Variants in SEPTIN9 observed in about 807,000 individuals in gnomAD.
SEPTIN9 encodes septin-9.
Under a neutral mutation model 56.6 loss-of-function variants are expected in SEPTIN9, and 13 were observed. The ratio of observed to expected loss-of-function variants is 0.23; its 90% CI spans 0.15 to 0.37. The LOEUF (loss-of-function observed/expected upper bound fraction) is 0.37, where lower values mean the gene tolerates loss of function less well. Ranked by LOEUF, SEPTIN9 falls within the 10% of genes least tolerant of loss-of-function variation. The probability of loss-of-function intolerance (pLI) is 1.00; values close to 1 mark genes in which losing one functional copy is unlikely to be tolerated. For missense variants in SEPTIN9, 650 were observed against 823.1 expected (o/e 0.79, Z 2.57); for synonymous variants, 332 against 334.1 (o/e 0.99, Z 0.07).
chr17:77,466,599 G>A (rs1394327609), intron 3 of SEPTIN9: 3 of 985,522 alleles, frequency 3.0e-6, no homozygotes, highest in Non-Finnish European at 3.6e-6. Flanking sequence ...GGGAGGAGGA[G>A]AAAGAAGAGA....
chr17:77,497,204 G>T, intron 10 of SEPTIN9, 111 bp from the exon 11 acceptor site: 1 of 1,088,652 alleles, frequency 9.2e-7, no homozygotes, highest in Non-Finnish European at 1.4e-6. Flanking sequence ...CCATGGGGCT[G>T]CCCTCAGACT....
At chr17:77,442,506 T>TAAAAAA (rs574360726) in intron 3 of SEPTIN9, among the ~76,000 whole-genome samples, 4 of 91,326 alleles carry the variant, frequency 4.4e-5, no homozygotes, top group Non-Finnish European at 8.7e-5. Context: ...CAACTAGTCT[T>TAAAAAA]AAAAAAAAAA....
intron 3 of SEPTIN9, among the ~76,000 whole-genome samples, chr17:77,419,280 C>T (rs757580941): frequency 6.6e-6 from 1 of 152,160 alleles, no homozygotes; most frequent in Non-Finnish European, 1.5e-5. Flanking sequence ...CTCCTGGGCA[C>T]GAGTTGGGAG....
In SEPTIN9 at chr17:77,453,461, C is replaced by T. The variant is rs534283054; in HGVS notation, c.722-28683C>T. Among the ~76,000 whole-genome samples the T allele has an allele frequency of 5.3e-5, 8 of 152,118 alleles. No homozygotes were observed. In the South Asian group the frequency reaches 1.2e-3, roughly 24 times the overall value. On this transcript the variant is annotated intron_variant, in intron 3 of 11. Coordinates refer to ENST00000427177, the MANE Select transcript of SEPTIN9 (RefSeq NM_001113491.2). The surrounding 1 kb of genome is among the most constrained non-coding windows in gnomAD (Gnocchi z 4.4). ...TCTCTACTAAAAATACTGGCTAATC[C>T]GGGCATGGTGGCGCGTGCCTGTAAT...
At chr17:77,315,028 C>G (rs1186513203) in intron 2 of SEPTIN9, among the ~76,000 whole-genome samples, 2 of 152,206 alleles carry the variant, frequency 1.3e-5, no homozygotes, top group South Asian at 4.1e-4. Context: ...GTGATCCGCA[C>G]CTTTCACTTT....
chr17:77,353,655 CCA>C (rs1440300089), intron 2 of SEPTIN9, among the ~76,000 whole-genome samples: 2 of 152,206 alleles, frequency 1.3e-5, no homozygotes, highest in African/African-American at 4.8e-5. Flanking sequence ...GCATCAGGCC[CCA>C]CACACTATGC....
At chr17:77,485,068 G>GGTGATT (rs2039689229) in intron 4 of SEPTIN9, among the ~76,000 whole-genome samples, 9 of 54,936 alleles carry the variant, frequency 1.6e-4, no homozygotes, top group Non-Finnish European at 4.3e-4. Flanking sequence ...TGGTGGTAAT[G>GGTGATT]GTGATGGTGG....
chr17:77,301,308 C>T (rs1371754013), intron 1 of SEPTIN9, among the ~76,000 whole-genome samples: 1 of 152,100 alleles, frequency 6.6e-6, no homozygotes, highest in African/African-American at 2.4e-5. Flanking sequence ...CCTCCCACCT[C>T]AGCCTCCCAA....
chr17:77,332,810 G>A (rs1436426403), intron 2 of SEPTIN9, among the ~76,000 whole-genome samples: 3 of 152,186 alleles, frequency 2.0e-5, no homozygotes, highest in Non-Finnish European at 4.4e-5. Flanking sequence ...GATTTGTTCT[G>A]TTTTATTGCT....
intron 2 of SEPTIN9, chr17:77,373,220 G>A: frequency 1.8e-6 from 2 of 1,110,054 alleles, no homozygotes; most frequent in Non-Finnish European, 1.1e-6. Context: ...GGCGGGCGGA[G>A]CAGCCAGTGC....
At position 77,450,462 on chromosome 17, in the gene SEPTIN9, C is replaced by T. The variant is rs1477949224; in HGVS notation, c.722-31682C>T. On this transcript the variant is annotated intron_variant, in intron 3 of 11. Coordinates refer to ENST00000427177, the MANE Select transcript of SEPTIN9 (RefSeq NM_001113491.2). This position sits in a 1 kb window ranked among gnomAD's most constrained non-coding sequence, Gnocchi z 6.0. ...TCCCTCCCAGCCCCCAGCAAGCCCT[C>T]GGAACGAGCCCACTCCCAGGCGCTC... 2.3e-5 allele frequency: 23 copies of T among 985,082 alleles called. No individual in the cohort carries two copies. In the South Asian group the frequency reaches 2.3e-4, roughly 10 times the overall value. 61.0% of individuals were successfully genotyped at this position (985,082 alleles called of 1,614,324 possible). A position where few individuals can be genotyped will look rare whatever the true frequency, so the allele number is the denominator to read the frequency against.
At chr17:77,488,070 G>A (rs1038668089) in intron 5 of SEPTIN9, among the ~76,000 whole-genome samples, 170 bp from the exon 6 acceptor site, 2 of 152,186 alleles carry the variant, frequency 1.3e-5, no homozygotes, top group African/African-American at 4.8e-5. Flanking sequence ...GCTCCCAGGG[G>A]AACCGTCACC....
At chr17:77,472,746 TCC>T (rs888664598) in intron 3 of SEPTIN9, 59 of 152,192 alleles carry the variant, frequency 3.9e-4, no homozygotes, top group African/African-American at 1.3e-3. Context: ...GTCTCAGATT[TCC>T]GGCATCCCAG....
At chr17:77,458,374 G>A (rs2038310565) in intron 3 of SEPTIN9, among the ~76,000 whole-genome samples, 1 of 152,206 alleles carries the variant, frequency 6.6e-6, no homozygotes, top group African/African-American at 2.4e-5. Context: ...CGGCACCGCC[G>A]CTGTCCTTGT....
At chr17:77,391,028 C>T (rs552981822) in intron 2 of SEPTIN9, among the ~76,000 whole-genome samples, 102 of 152,272 alleles carry the variant, frequency 6.7e-4, no homozygotes, top group African/African-American at 2.0e-3. Context: ...GGAGAAGGGC[C>T]GGCGGAGGCT....
Position 77,408,487 on chromosome 17 carries a change from C to CT in SEPTIN9, c.721+5786dup, listed in dbSNP as rs1320644894. On this transcript the variant is annotated intron_variant, in intron 3 of 11. Transcript: ENST00000427177. ...GATGGTGGGCGTGGCTCTTCGCATA[C>CT]TTGGTCCGCACCGGGCCGTGTGTTC... is the stretch of plus-strand genomic sequence containing the variant. Among the ~76,000 whole-genome samples, 8 of 152,304 alleles carry CT rather than the reference C, an allele frequency of 5.3e-5. No individual in the cohort carries two copies. The South Asian group carries it at 1.7e-3, about 32-fold the overall frequency.
chr17:77,448,301 C>G (rs1270594490), intron 3 of SEPTIN9, among the ~76,000 whole-genome samples: 1 of 151,968 alleles, frequency 6.6e-6, no homozygotes, highest in Non-Finnish European at 1.5e-5. Context: ...GGTGAAACCC[C>G]ATCTCTACTA....
chr17:77,324,219 C>T (rs2033048752), intron 2 of SEPTIN9, among the ~76,000 whole-genome samples: 1 of 152,188 alleles, frequency 6.6e-6, no homozygotes, highest in Non-Finnish European at 1.5e-5. Context: ...CAAAATGGTC[C>T]CATCTCAAGA....
chr17:77,374,342 C>T (rs1174914458), intron 2 of SEPTIN9: 1 of 152,560 alleles, frequency 6.6e-6, no homozygotes. Flanking sequence ...GGTCTGGCGT[C>T]CGCGTCTCTG....
Sources: gnomAD v4.1 joint callset for allele counts (sites outside exome capture counted in the v4.1 genomes callset) on GRCh38, gnomAD v4.1.1 for gene constraint, Gnocchi (gnomAD v3.1) non-coding constraint, MANE v1.5 for transcripts, NCBI Gene and HGNC (gene_info 2026-07-23, HGNC 2026-07-21) for gene names.